The following FGF14 variants were observed in gnomAD, a reference collection of about 807,000 sequenced individuals.
FGF14 encodes the protein fibroblast growth factor homologous factor 4.
Under a neutral mutation model 25.5 loss-of-function variants are expected in FGF14, and 5 were observed. That is an observed-to-expected ratio of 0.20 (90% CI 0.10 to 0.41). FGF14 has a LOEUF of 0.41. FGF14 is among the 10% of genes least tolerant of loss of function. The pLI is 1.00. For synonymous variants in FGF14, 138 were observed against 118.3 expected, an observed-to-expected ratio of 1.17 and a Z score of -1.08; for missense variants, 222 against 320.1, an observed-to-expected ratio of 0.69 and a Z score of 2.34.
At chr13:101,942,788 G>A (rs185658459) in intron 1 of FGF14, among the ~76,000 whole-genome samples, 1 of 152,318 alleles carries the variant, frequency 6.6e-6, no homozygotes, top group East Asian at 1.9e-4. Flanking sequence ...ATAGACTAGA[G>A]CTAAAAGCCT....
intron 3 of FGF14, among the ~76,000 whole-genome samples, chr13:101,819,002 C>G (rs1376763137): frequency 6.6e-6 from 1 of 152,138 alleles, no homozygotes; most frequent in Non-Finnish European, 1.5e-5. Flanking sequence ...TCTGGGTCCT[C>G]TTGAGCAGTT....
chr13:102,301,012 A>G (rs560790249), intron 1 of FGF14, among the ~76,000 whole-genome samples: 12 of 152,216 alleles, frequency 7.9e-5, no homozygotes, highest in African/African-American at 2.6e-4. Flanking sequence ...TATAGAAATT[A>G]TTTTTAAAAG....
intron 1 of FGF14, among the ~76,000 whole-genome samples, chr13:102,155,918 A>T (rs992576774): frequency 2.0e-5 from 3 of 152,224 alleles, no homozygotes; most frequent in Admixed American, 2.0e-4. Context: ...GAAGAAATGG[A>T]TACATTCCTC....
intron 1 of FGF14, among the ~76,000 whole-genome samples, chr13:102,049,644 G>A (rs1046220240): frequency 6.6e-6 from 1 of 152,020 alleles, no homozygotes; most frequent in Non-Finnish European, 1.5e-5. Flanking sequence ...ATTATTACAG[G>A]TATAATTAGT....
chr13:101,784,621 A>T (rs148358307), intron 3 of FGF14, among the ~76,000 whole-genome samples: 1 of 152,302 alleles, frequency 6.6e-6, no homozygotes, highest in East Asian at 1.9e-4. Context: ...TAACCTTTTC[A>T]ATGTTTGAAT....
chr13:102,140,676 A>G (rs2046609351), intron 1 of FGF14, among the ~76,000 whole-genome samples: 1 of 152,146 alleles, frequency 6.6e-6, no homozygotes, highest in African/African-American at 2.4e-5. Flanking sequence ...AACTTAATAA[A>G]ACCTCAAGAT....
At chr13:102,289,873 GTC>G (rs997417957) in intron 1 of FGF14, among the ~76,000 whole-genome samples, 15 of 148,970 alleles carry the variant, frequency 1.0e-4, no homozygotes, top group Non-Finnish European at 1.0e-4. Flanking sequence ...GATTTTTTTG[GTC>G]TCTCTCTCTC....
At position 102,162,948 on chromosome 13, in the gene FGF14, G is replaced by A. The variant is rs565374559; in HGVS notation, c.208+238523C>T. On this transcript the variant is annotated intron_variant, in intron 1 of 4. Transcript: ENST00000376131. ...TAGGTTAGTAGCACCGACACTAAGG[G>A]AGAAAATGAATGATGGTTCTAATTC... 1.7e-4 allele frequency among the ~76,000 whole-genome samples: 26 copies of A among 152,258 alleles called. No individual in the cohort carries two copies. The South Asian group carries it at 5.0e-3, about 29-fold the overall frequency.
At chr13:102,160,778 G>C (rs766921470) in intron 1 of FGF14, among the ~76,000 whole-genome samples, 1 of 152,056 alleles carries the variant, frequency 6.6e-6, no homozygotes, top group Admixed American at 6.6e-5. Flanking sequence ...GAAGAAGACT[G>C]AATGCTCACG....
At chr13:102,161,609 A>AG (rs2047686452) in intron 1 of FGF14, among the ~76,000 whole-genome samples, 1 of 4,782 alleles carries the variant, frequency 2.1e-4, no homozygotes, top group African/African-American at 2.1e-3. Flanking sequence ...AAGAAGAAGA[A>AG]GAAGAAGAAG....
In FGF14 at chr13:102,073,794, A is replaced by G. The variant is rs564497530; in HGVS notation, c.209-198498T>C. Among the ~76,000 whole-genome samples, 9 of 152,318 alleles carry G rather than the reference A, an allele frequency of 5.9e-5. No individual in the cohort carries two copies. The East Asian group carries it at 1.7e-3, about 29-fold the overall frequency. ...GTTTAAAACTCTGTATTTATAGTTG[A>G]ACTGTGTAAAAATTAATGGAAAAAC... On this transcript the variant is annotated intron_variant, in intron 1 of 4. Transcript: ENST00000376131.
chr13:101,987,752 T>C (rs2038670092), intron 1 of FGF14, among the ~76,000 whole-genome samples: 1 of 152,118 alleles, frequency 6.6e-6, no homozygotes, highest in Non-Finnish European at 1.5e-5. Context: ...ATATATAATA[T>C]GTTTTTTTAA....
intron 1 of FGF14, among the ~76,000 whole-genome samples, chr13:102,156,797 A>G (rs930588229): frequency 1.3e-5 from 2 of 152,214 alleles, no homozygotes; most frequent in East Asian, 3.8e-4. Context: ...TAAGCTGATA[A>G]GCAACTTCAG....
At chr13:101,837,984 C>CT (rs2043007133) in intron 3 of FGF14, among the ~76,000 whole-genome samples, 1 of 151,930 alleles carries the variant, frequency 6.6e-6, no homozygotes, top group Non-Finnish European at 1.5e-5. Context: ...GTCTTCCGGC[C>CT]TGTGTCCTTC....
rs929036452 is a variant in FGF14, at chr13:101,986,005, A to G, written c.209-110709T>C. 3.3e-5 allele frequency among the ~76,000 whole-genome samples: 5 copies of G among 152,170 alleles called. No homozygotes were observed. The East Asian group carries it at 9.6e-4, about 29-fold the overall frequency. On this transcript the variant is annotated intron_variant, in intron 1 of 4. Transcript: ENST00000376131. ...TAAAGACTGATCTATGTGCACACAG[A>G]AGACAGATGAAAATCCAATTTCAAG... is the stretch of plus-strand genomic sequence containing the variant.
intron 3 of FGF14, among the ~76,000 whole-genome samples, chr13:101,838,109 C>T (rs1298967803): frequency 6.6e-6 from 1 of 152,096 alleles, no homozygotes; most frequent in African/African-American, 2.4e-5. Flanking sequence ...TGTGGGACCT[C>T]ACCTTGTGAT....
chr13:102,337,893 A>G (rs761967432), intron 1 of FGF14, among the ~76,000 whole-genome samples: 1 of 152,192 alleles, frequency 6.6e-6, no homozygotes, highest in Non-Finnish European at 1.5e-5. Flanking sequence ...GCTTTTTTAG[A>G]CAAAATGCTT....
intron 1 of FGF14, chr13:102,373,501 T>C (rs1447048002): frequency 6.6e-6 from 1 of 152,182 alleles, no homozygotes; most frequent in Non-Finnish European, 1.5e-5. Context: ...ATAACTTCAT[T>C]GCTGCTAAAG....
chr13:102,262,958 T>C (rs1162217057), intron 1 of FGF14: 17 of 445,932 alleles, frequency 3.8e-5, no homozygotes, highest in South Asian at 2.3e-4. Context: ...CTCCAGATAG[T>C]GGTGACATTT....
Sources: gnomAD v4.1 joint callset for allele counts (sites outside exome capture counted in the v4.1 genomes callset) on GRCh38, gnomAD v4.1.1 for gene constraint, MANE v1.5 for transcripts, NCBI Gene and HGNC (gene_info 2026-07-23, HGNC 2026-07-21) for gene names.